The following RNF220 variants were observed in gnomAD, a reference collection of about 807,000 sequenced individuals.
RNF220 encodes ring finger protein 220.
RNF220 carries 7 observed loss-of-function variants against 67.1 expected under a neutral mutation model. The ratio of observed to expected loss-of-function variants is 0.10; its 90% CI spans 0.06 to 0.20. The LOEUF (loss-of-function observed/expected upper bound fraction) is 0.20. RNF220 is among the 10% of genes least tolerant of loss of function. The pLI, the probability that RNF220 is intolerant of heterozygous loss-of-function variation, is 1.00. For synonymous variants in RNF220, 270 were observed against 283.2 expected (o/e 0.95, Z 0.47); for missense variants, 565 against 740.3 (o/e 0.76, Z 2.75).
intron 2 of RNF220, among the ~76,000 whole-genome samples, chr1:44,467,900 G>T (rs1177500024): frequency 6.6e-6 from 1 of 152,058 alleles, no homozygotes; most frequent in East Asian, 1.9e-4. Context: ...AGAGGTCCTT[G>T]TAGGGTTATT....
chr1:44,598,665 G>A (rs998639204), intron 2 of RNF220, among the ~76,000 whole-genome samples: 5 of 150,490 alleles, frequency 3.3e-5, no homozygotes, highest in African/African-American at 1.2e-4. Context: ...CTGGCCATAT[G>A]TCCTGGTGTG....
intron 8 of RNF220, among the ~76,000 whole-genome samples, chr1:44,637,465 G>C (rs1298597569): frequency 6.6e-6 from 1 of 152,232 alleles, no homozygotes; most frequent in Non-Finnish European, 1.5e-5. Context: ...GGACACATGG[G>C]TGTCCGATGG....
Position 44,515,603 on chromosome 1 carries a change from A to G in RNF220, c.626-98562A>G, listed in dbSNP as rs1659394128. On this transcript the variant is annotated intron_variant, in intron 2 of 14. Transcript: ENST00000361799. ...TGAGTCAAAGCTCTTCAGACCTACT[A>G]TTTAATTTGAGTCACTTCCCTTTTA... Among the ~76,000 whole-genome samples the G allele has an allele frequency of 2.6e-5, 4 of 152,306 alleles. 1 individual carries two copies. The South Asian group carries it at 8.3e-4, about 32-fold the overall frequency.
At chr1:44,597,136 G>A (rs1250054074) in intron 2 of RNF220, among the ~76,000 whole-genome samples, 2 of 152,106 alleles carry the variant, frequency 1.3e-5, no homozygotes, top group South Asian at 2.1e-4. Context: ...GTGCTCTTTC[G>A]AGACATTTTA....
Position 44,412,262 on chromosome 1 carries a change from C to T in RNF220, c.165C>T (p.Asp55=), listed in dbSNP as rs139500610. ...PRPFGVPVSV[D]KDVHIPFTNG... ...CCTTTGGTGTACCTGTCTCAGTTGA[C>T]AAGGACGTGCATATTCCTTTCACCA... The change falls in exon 2 of 15, where the codon GAC becomes GAT. Residue 55 remains aspartate, a synonymous_variant. Transcript: ENST00000361799. The surrounding 1 kb of genome is among the most constrained non-coding windows in gnomAD (Gnocchi z 5.3). 14 of 1,614,102 alleles carry T rather than the reference C, an allele frequency of 8.7e-6. No individual in the cohort carries two copies. Among genetic ancestry groups the T allele is most frequent in the Non-Finnish European group, 1.1e-5 (13 of 1,180,048 alleles).
intron 2 of RNF220, among the ~76,000 whole-genome samples, chr1:44,466,777 C>A (rs923577826): frequency 2.0e-5 from 3 of 152,180 alleles, no homozygotes; most frequent in Non-Finnish European, 4.4e-5. Flanking sequence ...ATTACGTAAA[C>A]CATGCTATAA....
At chr1:44,490,212 T>C (rs539262128) in intron 2 of RNF220, among the ~76,000 whole-genome samples, 1 of 151,932 alleles carries the variant, frequency 6.6e-6, no homozygotes, top group East Asian at 1.9e-4. Context: ...TCATGCCTGG[T>C]AATCCCAGCA....
At chr1:44,524,629 GTCTC>G (rs1210732298) in intron 2 of RNF220, among the ~76,000 whole-genome samples, 6 of 152,072 alleles carry the variant, frequency 3.9e-5, no homozygotes, top group South Asian at 2.1e-4. Flanking sequence ...TCTCTCCTCT[GTCTC>G]TCTCTATTTT....
chr1:44,423,353 A>G (rs1181876115), intron 2 of RNF220, among the ~76,000 whole-genome samples: 4 of 152,262 alleles, frequency 2.6e-5, no homozygotes, highest in Non-Finnish European at 4.4e-5. Flanking sequence ...GTTCCCTGGC[A>G]GGGCCTGAGA....
intron 2 of RNF220, among the ~76,000 whole-genome samples, chr1:44,545,825 C>T (rs12136444): frequency 0.022 from 3,370 of 150,938 alleles, 50 homozygotes; most frequent in Non-Finnish European, 0.036. Context: ...GGCGCAAACT[C>T]GGCTCACTGC....
At chr1:44,575,597 G>A (rs1363800085) in intron 2 of RNF220, among the ~76,000 whole-genome samples, 2 of 152,170 alleles carry the variant, frequency 1.3e-5, no homozygotes, top group Admixed American at 6.5e-5. Flanking sequence ...AAACCACAAT[G>A]AGATACCATC....
chr1:44,616,995 C>T (rs1345905754), intron 3 of RNF220, among the ~76,000 whole-genome samples: 4 of 152,172 alleles, frequency 2.6e-5, no homozygotes, highest in African/African-American at 7.2e-5. Flanking sequence ...AGAGCATCCC[C>T]GTGTCCATTT....
Position 44,472,090 on chromosome 1 carries a change from T to C in RNF220, c.625+59368T>C, listed in dbSNP as rs2147994631. On this transcript the variant is annotated intron_variant, in intron 2 of 14. Transcript: ENST00000361799. Reference sequence around the variant, plus strand: ...GTTTAATAGTATTCCATTGTATGGATGTACCATATTTGGTTTAGCCATTCA... The same window carrying C: ...GTTTAATAGTATTCCATTGTATGGACGTACCATATTTGGTTTAGCCATTCA... 2.0e-5 allele frequency among the ~76,000 whole-genome samples: 3 copies of C among 152,376 alleles called. No individual in the cohort carries two copies. The South Asian group carries it at 6.2e-4, about 32-fold the overall frequency.
chr1:44,510,605 C>G (rs1658907308), intron 2 of RNF220, among the ~76,000 whole-genome samples: 1 of 152,168 alleles, frequency 6.6e-6, no homozygotes, highest in Admixed American at 6.5e-5. Context: ...TCAAAGAAGC[C>G]TTTCTGTCCC....
intron 2 of RNF220, among the ~76,000 whole-genome samples, chr1:44,580,029 A>AC (rs1665123705): frequency 2.4e-5 from 2 of 84,700 alleles, no homozygotes; most frequent in Non-Finnish European, 4.4e-5. Context: ...ACCCTGTCTC[A>AC]CAAAAAAAAA....
chr1:44,570,707 A>G (rs531782649), intron 2 of RNF220, among the ~76,000 whole-genome samples: 7 of 152,250 alleles, frequency 4.6e-5, no homozygotes, highest in African/African-American at 1.7e-4. Context: ...CACTTGTGCT[A>G]TTGCAATCTT....
intron 8 of RNF220, among the ~76,000 whole-genome samples, chr1:44,642,966 G>A (rs1474042847): frequency 6.6e-6 from 1 of 152,228 alleles, no homozygotes; most frequent in Non-Finnish European, 1.5e-5. Context: ...TTATGGAGGT[G>A]CCACTCACCC....
intron 4 of RNF220, 66 bp from the exon 5 acceptor site, chr1:44,626,231 G>T: frequency 8.1e-7 from 1 of 1,239,194 alleles, no homozygotes. Flanking sequence ...CACAGGACTG[G>T]GAACTCTAGG....
chr1:44,467,991 G>A (rs1404525701), intron 2 of RNF220, among the ~76,000 whole-genome samples: 1 of 152,044 alleles, frequency 6.6e-6, no homozygotes, highest in Non-Finnish European at 1.5e-5. Flanking sequence ...CTGGTCGGTG[G>A]AGCAGTCAGA....
Sources: gnomAD v4.1 joint callset for allele counts (sites outside exome capture counted in the v4.1 genomes callset) on GRCh38, gnomAD v4.1.1 for gene constraint, Gnocchi (gnomAD v3.1) non-coding constraint, MANE v1.5 for transcripts, NCBI Gene and HGNC (gene_info 2026-07-23, HGNC 2026-07-21) for gene names.